The following RNF216 variants were observed in gnomAD, a reference collection of about 807,000 sequenced individuals.
The protein encoded by RNF216 is E3 ubiquitin-protein ligase RNF216.
RNF216 carries 72 observed loss-of-function variants against 110.8 expected under a neutral mutation model. That is an observed-to-expected ratio of 0.65 (90% confidence interval 0.54 to 0.79). The LOEUF is 0.79. RNF216 is among the 30% of genes least tolerant of loss of function. The pLI is 0.00. For synonymous variants in RNF216, 495 were observed against 407.5 expected (o/e 1.21, Z -2.59); for missense variants, 1,342 against 1,141.2 (o/e 1.18, Z -2.54).
chr7:5,655,452 G>C (rs536428776), intron 13 of RNF216, among the ~76,000 whole-genome samples: 1 of 152,288 alleles, frequency 6.6e-6, no homozygotes, highest in South Asian at 2.1e-4. Context: ...ACAAAAATTA[G>C]CTGGACGTGG....
chr7:5,669,126 TGCAGGATGG>T (rs533777699), intron 13 of RNF216, among the ~76,000 whole-genome samples: 187 of 152,298 alleles, frequency 1.2e-3, no homozygotes, highest in Admixed American at 1.9e-3. Flanking sequence ...TCCCGTGCTA[TGCAGGATGG>T]GCAGGACTGT....
chr7:5,698,515 G>A (rs1444743410), intron 13 of RNF216, among the ~76,000 whole-genome samples: 4 of 151,962 alleles, frequency 2.6e-5, no homozygotes, highest in African/African-American at 7.3e-5. Flanking sequence ...TCAGCCTCCC[G>A]AGTAGCTGGG....
intron 13 of RNF216, among the ~76,000 whole-genome samples, chr7:5,664,853 T>C (rs1789404350): frequency 6.6e-6 from 1 of 152,182 alleles, no homozygotes; most frequent in Admixed American, 6.5e-5. Flanking sequence ...TGGAGTGCAA[T>C]GGCACAATCT....
intron 5 of RNF216, 25 bp downstream of exon 5, chr7:5,739,250 CA>C (rs1336569843): frequency 2.6e-6 from 4 of 1,512,750 alleles, no homozygotes; most frequent in Admixed American, 4.8e-5. Flanking sequence ...ACCACCACCA[CA>C]AAAAAAGCAT....
intron 2 of RNF216, among the ~76,000 whole-genome samples, chr7:5,757,767 T>C (rs148685927): frequency 0.019 from 2,925 of 152,324 alleles, 43 homozygotes; most frequent in Non-Finnish European, 0.03. Context: ...GGAATCTTTT[T>C]GGAGTGATAG....
Position 5,688,888 on chromosome 7 carries a change from T to C in RNF216, c.2061+22873A>G, listed in dbSNP as rs193036900. Reference sequence around the variant, plus strand: ...CTACTAACATTACTGTGCAAAGCACTGTGTTCTTCAATATAAAGTTTAAGT... The same window carrying C: ...CTACTAACATTACTGTGCAAAGCACCGTGTTCTTCAATATAAAGTTTAAGT... On this transcript the variant is annotated intron_variant, in intron 13 of 16. Coordinates refer to ENST00000389902, the MANE Select transcript of RNF216 (RefSeq NM_207111.4). 6.0e-3 allele frequency among the ~76,000 whole-genome samples: 916 copies of C among 152,346 alleles called. 3 individuals are homozygous for C. The highest frequency in any genetic ancestry group is 8.4e-3 in the Non-Finnish European group (571 of 68,032).
At chr7:5,667,659 G>A (rs573921960) in intron 13 of RNF216, among the ~76,000 whole-genome samples, 1 of 152,168 alleles carries the variant, frequency 6.6e-6, no homozygotes, top group African/African-American at 2.4e-5. Context: ...GCTACCTCTG[G>A]GCTTCCCAGG....
At chr7:5,647,144 C>G (rs1204731029) in intron 14 of RNF216, among the ~76,000 whole-genome samples, 1 of 151,656 alleles carries the variant, frequency 6.6e-6, no homozygotes, top group East Asian at 1.9e-4. Context: ...AAAAAGTTGC[C>G]TCTGGCAGTT....
In RNF216 at chr7:5,623,000, G is replaced by A. The variant is rs1210298810; in HGVS notation, c.2632C>T (p.Leu878Phe). The A allele has an allele frequency of 6.2e-7, 1 of 1,614,118 alleles. No individual in the cohort carries two copies. Among genetic ancestry groups the A allele is most frequent in the African/African-American group, 1.3e-5 (1 of 75,040 alleles). Residue 878 changes from leucine to phenylalanine, a missense_variant, in exon 17 of 17, where the codon CTC (leucine) becomes TTC (phenylalanine). Coordinates refer to ENST00000389902, the MANE Select transcript of RNF216 (RefSeq NM_207111.4). ...PVRPVFNNFP[L>F]NMGPIPAPYV... ...GGGGCTGGGATAGGCCCCATGTTGA[G>A]TGGGAAGTTGTTGAACACAGGCCGC...
intron 14 of RNF216, among the ~76,000 whole-genome samples, chr7:5,644,382 G>C (rs1787924039): frequency 6.6e-6 from 1 of 152,152 alleles, no homozygotes; most frequent in African/African-American, 2.4e-5. Context: ...CCTAATAGGT[G>C]TGAAGCGGTA....
intron 1 of RNF216, among the ~76,000 whole-genome samples, chr7:5,777,809 G>A (rs2128686759): frequency 6.6e-6 from 1 of 152,280 alleles, no homozygotes; most frequent in Admixed American, 6.5e-5. Flanking sequence ...TTTTACAATA[G>A]GAAAGGTTTT....
intron 1 of RNF216, among the ~76,000 whole-genome samples, chr7:5,769,086 A>C (rs548253634): frequency 2.0e-5 from 3 of 151,864 alleles, no homozygotes; most frequent in Non-Finnish European, 4.4e-5. Context: ...AGGAGGTAAA[A>C]TAGTTTATTA....
At chr7:5,688,730 T>G (rs1791141036) in intron 13 of RNF216, among the ~76,000 whole-genome samples, 1 of 151,814 alleles carries the variant, frequency 6.6e-6, no homozygotes, top group South Asian at 2.1e-4. Context: ...CTTGTCTTAT[T>G]TTTTTTTGGA....
At chr7:5,730,280 T>C (rs1337705056) in intron 6 of RNF216, among the ~76,000 whole-genome samples, 2 of 152,190 alleles carry the variant, frequency 1.3e-5, no homozygotes, top group Non-Finnish European at 2.9e-5. Context: ...ATATGTATGA[T>C]AAAGAGGATA....
chr7:5,728,250 G>A (rs915689564), intron 7 of RNF216, among the ~76,000 whole-genome samples: 10 of 152,020 alleles, frequency 6.6e-5, no homozygotes, highest in South Asian at 4.1e-4. Context: ...GTTGCCTCCC[G>A]TTTTACCCTT....
At position 5,727,305 on chromosome 7, in the gene RNF216, C is replaced by G. The variant is rs868676081; in HGVS notation, c.1390-1867G>C. Among the ~76,000 whole-genome samples, 15 of 152,324 alleles carry G rather than the reference C, an allele frequency of 9.8e-5. No individual in the cohort carries two copies. The East Asian group carries it at 1.7e-3, about 18-fold the overall frequency. Reference sequence around the variant, plus strand: ...CTGTTTCACCACCTCACCCTTATGACCACAAGCTTTCCAGCTGTCTCTAAT... The same window carrying G: ...CTGTTTCACCACCTCACCCTTATGAGCACAAGCTTTCCAGCTGTCTCTAAT... On this transcript the variant is annotated intron_variant, in intron 7 of 16. Coordinates refer to ENST00000389902, the MANE Select transcript of RNF216 (RefSeq NM_207111.4).
chr7:5,769,073 TGAA>T (rs1796357413), intron 1 of RNF216, among the ~76,000 whole-genome samples: 1 of 151,048 alleles, frequency 6.6e-6, no homozygotes, highest in Non-Finnish European at 1.5e-5. Context: ...AAAATTTATG[TGAA>T]GGAGGTAAAA....
intron 15 of RNF216, among the ~76,000 whole-genome samples, chr7:5,639,179 T>G (rs1027265714): frequency 2.0e-5 from 3 of 152,114 alleles, no homozygotes; most frequent in Admixed American, 1.3e-4. Context: ...CCTTAAGAGA[T>G]AGGGAAGCAG....
chr7:5,746,230 C>T (rs1025744730), intron 3 of RNF216, among the ~76,000 whole-genome samples: 1 of 152,164 alleles, frequency 6.6e-6, no homozygotes, highest in African/African-American at 2.4e-5. Context: ...TTAGGCTGCA[C>T]TGTGAGAGAG....
Sources: gnomAD v4.1 joint callset for allele counts (sites outside exome capture counted in the v4.1 genomes callset) on GRCh38, gnomAD v4.1.1 for gene constraint, MANE v1.5 for transcripts, NCBI Gene and HGNC (gene_info 2026-07-23, HGNC 2026-07-21) for gene names.